Variants in RBM28 observed in about 807,000 individuals in gnomAD.
The protein encoded by RBM28 is RNA binding motif protein 28, also known as RNA-binding protein 28.
In RBM28, 78 loss-of-function variants were observed where a neutral mutation model predicts 98.3. That is an observed-to-expected ratio of 0.79 (90% CI 0.66 to 0.96). The LOEUF (loss-of-function observed/expected upper bound fraction) is 0.96. Among genes scored for constraint, RBM28 ranks in the 40% least tolerant of loss-of-function variants. The pLI is 0.00. For missense variants in RBM28, 838 were observed against 913.0 expected (o/e 0.92, Z 1.06); for synonymous variants, 306 against 330.9 (o/e 0.92, Z 0.82).
At chr7:128,327,804 A>T (rs781706174) in intron 10 of RBM28, among the ~76,000 whole-genome samples, 6 of 152,224 alleles carry the variant, frequency 3.9e-5, no homozygotes, top group Non-Finnish European at 7.3e-5. Context: ...CCGGTCAATA[A>T]AAAACAACTT....
At chr7:128,335,780 GA>G (rs1796584158) in intron 7 of RBM28, 66 bp downstream of exon 7, 2 of 1,613,550 alleles carry the variant, frequency 1.2e-6, no homozygotes, top group Admixed American at 3.3e-5. Flanking sequence ...AGAAAAAGGA[GA>G]ATTTTTCCTC....
In RBM28 at chr7:128,299,379, A is replaced by G. The variant is rs1420569883; in HGVS notation, c.*11418T>C. 6.6e-6 allele frequency: 1 copy of G among 152,160 alleles called. No homozygotes were observed. Among genetic ancestry groups the G allele is most frequent in the Non-Finnish European group, 1.5e-5 (1 of 68,060 alleles). 9.4% of individuals were successfully genotyped at this position (152,160 alleles called of 1,614,324 possible). On this transcript the variant is annotated 3_prime_UTR_variant, in exon 19 of 19. Transcript: ENST00000223073. ...AGGGGGAATATTGGCTTGCTGTGTC[A>G]GAGTTTGATAAAGGAGGTGACTGGG...
rs114198140 is a variant in RBM28 at position 128,340,976 on chromosome 7, T to C, written c.119-1185A>G. 1.8e-3 allele frequency: 647 copies of C among 368,810 alleles called. 6 individuals are homozygous for C. The highest frequency in any genetic ancestry group is 0.013 in the African/African-American group (599 of 47,294). The allele number at this position is 368,810 out of a possible 1,614,324, so 22.8% of individuals were successfully genotyped here. ...TTCCATAGGACTCCACAAAGAATAA[T>C]ATTAGGACCAAGGAGATGAAAACTA... is the stretch of plus-strand genomic sequence containing the variant. On this transcript the variant is annotated intron_variant, in intron 1 of 18. Coordinates refer to ENST00000223073, the MANE Select transcript of RBM28 (RefSeq NM_018077.3).
chr7:128,333,425 A>C, intron 8 of RBM28, 63 bp from the exon 9 acceptor site: 1 of 1,343,324 alleles, frequency 7.4e-7, no homozygotes, highest in Non-Finnish European at 1.1e-6. Context: ...ACAAAGAGCT[A>C]ACTTCTTAAG....
At chr7:128,320,077 C>T (rs532982126) in intron 14 of RBM28, among the ~76,000 whole-genome samples, 3 of 151,950 alleles carry the variant, frequency 2.0e-5, no homozygotes, top group East Asian at 1.9e-4. Flanking sequence ...ATCAGCTGGG[C>T]GTGGTGGTGC....
In RBM28 at chr7:128,303,360, A is replaced by AC. The variant is rs1413044555; in HGVS notation, c.*7436dup. The stretch of plus-strand genomic sequence containing the variant: ...TCATCAGCTCTAAGACTAGGTGGTG[A>AC]CATCTGCTTCTCAATAACCTTCACC... On this transcript the variant is annotated 3_prime_UTR_variant, in exon 19 of 19. Transcript: ENST00000223073. 6.6e-6 allele frequency: 1 copy of AC among 152,170 alleles called. No homozygotes were observed. Among genetic ancestry groups the AC allele is most frequent in the African/African-American group, 2.4e-5 (1 of 41,434 alleles). 9.4% of individuals were successfully genotyped at this position (152,170 alleles called of 1,614,324 possible).
At chr7:128,331,130 G>A (rs1046274419) in intron 9 of RBM28, among the ~76,000 whole-genome samples, 4 of 152,096 alleles carry the variant, frequency 2.6e-5, no homozygotes, top group Non-Finnish European at 4.4e-5. Flanking sequence ...ATCTGAAAAC[G>A]TAAACAGACA....
rs1795788263 is a variant in RBM28 at position 128,302,033 on chromosome 7, T to C, written c.*8764A>G. The C allele has an allele frequency of 6.6e-6, 1 of 152,226 alleles. No individual in the cohort carries two copies. The highest frequency in any genetic ancestry group is 1.5e-5 in the Non-Finnish European group (1 of 68,044). The allele number at this position is 152,226 out of a possible 1,614,324, so 9.4% of individuals were successfully genotyped here. A position where few individuals can be genotyped will look rare whatever the true frequency, so the allele number is the denominator to read the frequency against. On this transcript the variant is annotated 3_prime_UTR_variant, in exon 19 of 19. Coordinates refer to ENST00000223073, the MANE Select transcript of RBM28 (RefSeq NM_018077.3). ...GTTTGCCTCCTACAGATTTCCCTTC[T>C]TTCTCTTCTTCTGGGCCTCTGGGCC...
At chr7:128,342,636 G>T (rs891470234) in intron 1 of RBM28, among the ~76,000 whole-genome samples, 1 of 151,886 alleles carries the variant, frequency 6.6e-6, no homozygotes, top group East Asian at 1.9e-4. Context: ...AGCGGAGATC[G>T]TGGCACTGCA....
intron 9 of RBM28, 63 bp downstream of exon 9, chr7:128,333,227 A>G: frequency 7.5e-7 from 1 of 1,330,510 alleles, no homozygotes; most frequent in African/African-American, 1.4e-5. Context: ...CAAAAAGAGA[A>G]GAAGAAGGAA....
Position 128,341,076 on chromosome 7 carries a change from G to T in RBM28, c.119-1285C>A, listed in dbSNP as rs1346715488. On this transcript the variant is annotated intron_variant, in intron 1 of 18. Transcript: ENST00000223073. The stretch of plus-strand genomic sequence containing the variant: ...ATAGTAAAATTTTAAATAATTTATT[G>T]CATCAAAAAGGAAAAGGACAGATCA... The T allele has an allele frequency of 3.7e-6, 4 of 1,091,440 alleles. No homozygotes were observed. In the South Asian group the frequency reaches 5.5e-5, roughly 15 times the overall value. The allele number at this position is 1,091,440 out of a possible 1,614,324, so 67.6% of individuals were successfully genotyped here.
At position 128,320,604 on chromosome 7, in the gene RBM28, G is replaced by A. The variant is rs915487876; in HGVS notation, c.1563+662C>T. Among the ~76,000 whole-genome samples the A allele has an allele frequency of 3.9e-5, 6 of 152,274 alleles. No individual in the cohort carries two copies. The East Asian group carries it at 1.2e-3, about 29-fold the overall frequency. ...AGGCATAGGGGACTCTGAACACAGG[G>A]TAAGAATCTAACTAGGAGTAAAATA... On this transcript the variant is annotated intron_variant, in intron 14 of 18. Transcript: ENST00000223073.
chr7:128,319,579 G>A (rs1473485152), intron 14 of RBM28, among the ~76,000 whole-genome samples: 1 of 152,160 alleles, frequency 6.6e-6, no homozygotes, highest in Non-Finnish European at 1.5e-5. Flanking sequence ...AACAGTTTAT[G>A]GTAGCGAAAC....
rs183565867 is a variant in RBM28 at position 128,324,815 on chromosome 7, G to C, written c.1204-121C>G. 7.9e-5 allele frequency: 103 copies of C among 1,311,028 alleles called. No individual in the cohort carries two copies. The Admixed American group carries it at 1.7e-3, about 22-fold the overall frequency. The allele number at this position is 1,311,028 out of a possible 1,614,324, so 81.2% of individuals were successfully genotyped here. The stretch of plus-strand genomic sequence containing the variant: ...GATCACCTGAGGTCAGGAGTTCAAG[G>C]CCAGCCTGGCCAACATGGTGAAACC... On this transcript the variant is annotated intron_variant, in intron 11 of 18. Coordinates refer to ENST00000223073, the MANE Select transcript of RBM28 (RefSeq NM_018077.3).
chr7:128,342,095 GT>G (rs1739589328), intron 1 of RBM28, among the ~76,000 whole-genome samples: 1 of 151,968 alleles, frequency 6.6e-6, no homozygotes, highest in African/African-American at 2.4e-5. Context: ...GGAGTTTAAG[GT>G]TACATTGAGC....
intron 12 of RBM28, 67 bp downstream of exon 12, chr7:128,324,492 T>G: frequency 6.2e-7 from 1 of 1,603,740 alleles, no homozygotes; most frequent in Non-Finnish European, 8.5e-7. Flanking sequence ...AGGCATACTA[T>G]TGCTTGATCA....
intron 11 of RBM28, among the ~76,000 whole-genome samples, chr7:128,325,221 A>G (rs1025516624): frequency 3.3e-5 from 5 of 152,192 alleles, no homozygotes; most frequent in African/African-American, 1.2e-4. Flanking sequence ...GCAAAAGGCC[A>G]CATGTGTATT....
At chr7:128,314,296 G>A (rs958620734) in intron 17 of RBM28, among the ~76,000 whole-genome samples, 1 of 151,696 alleles carries the variant, frequency 6.6e-6, no homozygotes, top group Non-Finnish European at 1.5e-5. Context: ...CCAGTCTCAG[G>A]TATTTCTTTA....
intron 8 of RBM28, 33 bp downstream of exon 8, chr7:128,335,510 A>G: frequency 2.5e-6 from 4 of 1,613,916 alleles, no homozygotes; most frequent in Non-Finnish European, 3.4e-6. Flanking sequence ...ACTTTTTTAA[A>G]GTCTAAAGAC....
Sources: gnomAD v4.1 joint callset for allele counts (sites outside exome capture counted in the v4.1 genomes callset) on GRCh38, gnomAD v4.1.1 for gene constraint, MANE v1.5 for transcripts, NCBI Gene and HGNC (gene_info 2026-07-23, HGNC 2026-07-21) for gene names.